The following NAV3 variants were observed in gnomAD, a reference collection of about 807,000 sequenced individuals.
The protein encoded by NAV3 is neuron navigator 3.
A neutral mutation model predicts 244.7 loss-of-function variants in NAV3; 87 were observed. The ratio of observed to expected loss-of-function variants is 0.36; its 90% CI spans 0.30 to 0.42. The LOEUF (loss-of-function observed/expected upper bound fraction) is 0.42, where lower values mean the gene tolerates loss of function less well. NAV3 is among the 20% of genes least tolerant of loss of function. The probability of loss-of-function intolerance (pLI) is 1.00; values close to 1 mark genes in which losing one functional copy is unlikely to be tolerated. For missense variants in NAV3, 2,663 were observed against 2,893.3 expected (o/e 0.92, Z 1.83); for synonymous variants, 1,126 against 1,042.2 (o/e 1.08, Z -1.55).
chr12:77,728,993 T>C (rs969801014), intron 2 of NAV3, among the ~76,000 whole-genome samples: 1 of 152,016 alleles, frequency 6.6e-6, no homozygotes, highest in Non-Finnish European at 1.5e-5. Context: ...ATAGTAAATA[T>C]ATTTTTCTAT....
At chr12:77,685,400 C>G (rs1009790242) in intron 2 of NAV3, among the ~76,000 whole-genome samples, 2 of 151,912 alleles carry the variant, frequency 1.3e-5, no homozygotes, top group Non-Finnish European at 2.9e-5. Flanking sequence ...TCATTTCTCT[C>G]TTTGTTCATT....
At chr12:77,741,558 A>G (rs561609963) in intron 2 of NAV3, among the ~76,000 whole-genome samples, 2 of 152,220 alleles carry the variant, frequency 1.3e-5, no homozygotes, top group South Asian at 4.1e-4. Context: ...TTCCTTATTC[A>G]AGACTTGTCA....
intron 2 of NAV3, among the ~76,000 whole-genome samples, chr12:77,795,146 A>G (rs1871349332): frequency 6.6e-6 from 1 of 152,208 alleles, no homozygotes; most frequent in Admixed American, 6.5e-5. Flanking sequence ...GCAAAGGAAA[A>G]TTAAAGTAAT....
chr12:78,117,917 A>G (rs906980431), intron 13 of NAV3, 110 bp from the exon 14 acceptor site: 190 of 1,100,862 alleles, frequency 1.7e-4, no homozygotes, highest in Middle Eastern at 2.2e-4. Flanking sequence ...AGGTAAATCA[A>G]AATAGAATCT....
At chr12:77,814,582 T>C (rs1324392017) in intron 2 of NAV3, among the ~76,000 whole-genome samples, 2 of 152,004 alleles carry the variant, frequency 1.3e-5, no homozygotes, top group African/African-American at 4.8e-5. Context: ...AAGGGCACAA[T>C]AAACATCCCT....
rs146615916 is a variant in NAV3, at chr12:77,962,430, G to T, written c.415-3799G>T. 9.9e-3 allele frequency among the ~76,000 whole-genome samples: 1,511 copies of T among 152,102 alleles called. 26 individuals are homozygous for T. Among genetic ancestry groups the T allele is most frequent in the African/African-American group, 0.035 (1,442 of 41,498 alleles). On this transcript the variant is annotated intron_variant, in intron 3 of 39. Transcript: ENST00000397909. ...CATTCATGATCTTTTCCATCTCATTGGATACAGACTTCATCCTTCTTGTGA... is the reference window on the plus strand; with the variant it reads ...CATTCATGATCTTTTCCATCTCATTTGATACAGACTTCATCCTTCTTGTGA...
intron 2 of NAV3, among the ~76,000 whole-genome samples, chr12:77,636,230 C>T (rs566125627): frequency 6.6e-6 from 1 of 152,102 alleles, no homozygotes; most frequent in East Asian, 1.9e-4. Context: ...CTTTGGCAGG[C>T]CAAGGCTCCC....
intron 7 of NAV3, among the ~76,000 whole-genome samples, chr12:78,005,039 T>C (rs1351386390): frequency 1.3e-5 from 2 of 152,190 alleles, no homozygotes; most frequent in African/African-American, 4.8e-5. Context: ...GAGCACCTTC[T>C]CTTATGTCCC....
intron 1 of NAV3, among the ~76,000 whole-genome samples, chr12:77,910,927 T>A (rs1886518706): frequency 6.6e-6 from 1 of 152,230 alleles, no homozygotes; most frequent in East Asian, 1.9e-4. Flanking sequence ...TGAAGTAGTA[T>A]GGACACTTAT....
chr12:77,952,264 C>T (rs549872602), intron 3 of NAV3, among the ~76,000 whole-genome samples: 1 of 151,990 alleles, frequency 6.6e-6, no homozygotes, highest in East Asian at 1.9e-4. Context: ...TTATTTTATA[C>T]ATCATGTCTT....
In NAV3 at chr12:78,146,345, GTCTT is replaced by G. The variant is rs1282542826; in HGVS notation, c.4684-18_4684-15del. 5.8e-6 allele frequency: 6 copies of G among 1,038,512 alleles called. No homozygotes were observed. Among genetic ancestry groups the G allele is most frequent in the Non-Finnish European group, 6.8e-6 (5 of 740,544 alleles). 64.3% of individuals were successfully genotyped at this position (1,038,512 alleles called of 1,614,324 possible). ...ATTGAAAATAGTTTTTATAGTTAAA[GTCTT>G]TCTTTTTATTGTTTTACAGGCTGAA... On this transcript the variant is annotated intron_variant, in intron 20 of 39. Coordinates refer to ENST00000397909, the MANE Select transcript of NAV3 (RefSeq NM_001024383.2).
At chr12:77,990,090 G>GATTTT (rs2136344810) in intron 5 of NAV3, among the ~76,000 whole-genome samples, 6 of 146,420 alleles carry the variant, frequency 4.1e-5, no homozygotes, top group East Asian at 2.0e-4. Context: ...TGCTTCCAAT[G>GATTTT]TTATTCAAAC....
intron 2 of NAV3, among the ~76,000 whole-genome samples, chr12:77,587,475 G>A (rs1425693022): frequency 6.6e-6 from 1 of 152,090 alleles, no homozygotes; most frequent in Non-Finnish European, 1.5e-5. Context: ...GATCCACAGA[G>A]CCATATGTTT....
At chr12:77,996,980 C>A (rs559069002) in intron 6 of NAV3, among the ~76,000 whole-genome samples, 1 of 152,046 alleles carries the variant, frequency 6.6e-6, no homozygotes, top group Admixed American at 6.6e-5. Flanking sequence ...CGGTGGCTCA[C>A]GCCTGTAATC....
chr12:77,864,418 C>A (rs566544553), intron 1 of NAV3, among the ~76,000 whole-genome samples: 1 of 152,022 alleles, frequency 6.6e-6, no homozygotes, highest in African/African-American at 2.4e-5. Context: ...TGTACACTAG[C>A]ATATATCCAC....
chr12:77,712,184 G>A (rs956991091), intron 2 of NAV3, among the ~76,000 whole-genome samples: 8 of 152,088 alleles, frequency 5.3e-5, no homozygotes, highest in Non-Finnish European at 1.0e-4. Context: ...CTTTCAGAGC[G>A]AAAGGGTTAT....
intron 5 of NAV3, among the ~76,000 whole-genome samples, chr12:77,989,115 C>T (rs1175530327): frequency 3.9e-5 from 6 of 152,082 alleles, no homozygotes; most frequent in Non-Finnish European, 5.9e-5. Context: ...CCCTCTATTA[C>T]TAGTGATTTT....
At chr12:77,912,807 T>TTA (rs1886741224) in intron 1 of NAV3, among the ~76,000 whole-genome samples, 2 of 150,054 alleles carry the variant, frequency 1.3e-5, no homozygotes, top group Non-Finnish European at 3.0e-5. Flanking sequence ...AGATGGGGTT[T>TTA]CACCATATTG....
At chr12:78,049,241 T>G (rs1286471658) in intron 9 of NAV3, among the ~76,000 whole-genome samples, 10 of 152,042 alleles carry the variant, frequency 6.6e-5, no homozygotes, top group Non-Finnish European at 1.5e-4. Context: ...TCTGTCTCAC[T>G]GGCATTCCAG....
Sources: allele counts gnomAD v4.1 joint callset (sites outside exome capture counted in the v4.1 genomes callset), GRCh38; gene constraint gnomAD v4.1.1; transcripts MANE v1.5; gene names NCBI Gene and HGNC (gene_info 2026-07-23, HGNC 2026-07-21).